The following HSP90AA1 variants were observed in gnomAD, a reference collection of about 807,000 sequenced individuals.
The protein encoded by HSP90AA1 is heat shock protein 90 alpha family class A member 1.
Under a neutral mutation model 73.3 loss-of-function variants are expected in HSP90AA1, and 18 were observed. The ratio of observed to expected loss-of-function variants is 0.25; its 90% confidence interval spans 0.17 to 0.36. The LOEUF (loss-of-function observed/expected upper bound fraction) is 0.36, where lower values mean the gene tolerates loss of function less well. HSP90AA1 is among the 10% of genes least tolerant of loss of function. The pLI, the probability that HSP90AA1 is intolerant of heterozygous loss-of-function variation, is 1.00. For synonymous variants in HSP90AA1, 477 were observed against 296.9 expected, an observed-to-expected ratio of 1.61 and a Z score of -6.24; for missense variants, 704 against 874.2, an observed-to-expected ratio of 0.81 and a Z score of 2.45.
intron 2 of HSP90AA1, among the ~76,000 whole-genome samples, chr14:102,100,835 C>T (rs2152619156): frequency 6.6e-6 from 1 of 152,332 alleles, no homozygotes; most frequent in East Asian, 1.9e-4. Flanking sequence ...GGAGAGACTA[C>T]TTGACTTCCA....
intron 1 of HSP90AA1, among the ~76,000 whole-genome samples, chr14:102,119,687 C>T (rs1566733715): frequency 6.6e-6 from 1 of 152,126 alleles, no homozygotes; most frequent in Non-Finnish European, 1.5e-5. Context: ...CAGGGTTTCA[C>T]CATGTTGGCC....
intron 1 of HSP90AA1, among the ~76,000 whole-genome samples, chr14:102,118,913 GGTGCAATCT>G (rs1157934147): frequency 3.4e-5 from 5 of 149,048 alleles, no homozygotes; most frequent in Non-Finnish European, 7.4e-5. Context: ...GGAGTGTAGT[GGTGCAATCT>G]CGGCTCACTG....
chr14:102,091,146 G>A (rs2049352845), upstream of HSP90AA1, among the ~76,000 whole-genome samples: 3 of 152,160 alleles, frequency 2.0e-5, no homozygotes, highest in South Asian at 6.2e-4. Context: ...CCAGGCAGCA[G>A]GCTAGCTACT....
Position 102,083,194 on chromosome 14 carries a change from T to C in HSP90AA1, c.1595A>G (p.Gln532Arg). The change falls in exon 9 of 11, where the codon CAG (glutamine) becomes CGG (arginine). Residue 532 changes from glutamine to arginine, a missense_variant. By Grantham distance (43) the Gln-to-Arg change is conservative (BLOSUM62 1). Coordinates refer to ENST00000216281, the MANE Select transcript of HSP90AA1 (RefSeq NM_005348.4). ...AGTCTTCCCCTCAAATTCCTTCAGCTGTTGGACACAGTACTCATCAATGGG... is the reference window on the plus strand; with the variant it reads ...AGTCTTCCCCTCAAATTCCTTCAGCCGTTGGACACAGTACTCATCAATGGG... ...IEPIDEYCVQ[Q>R]LKEFEGKTLV... The C allele has an allele frequency of 6.2e-7, 1 of 1,614,140 alleles. No individual in the cohort carries two copies. Among genetic ancestry groups the C allele is most frequent in the Non-Finnish European group, 8.5e-7 (1 of 1,179,980 alleles).
intron 2 of HSP90AA1, among the ~76,000 whole-genome samples, chr14:102,097,300 T>A (rs1283027711): frequency 2.7e-5 from 4 of 146,300 alleles, no homozygotes; most frequent in African/African-American, 9.9e-5. Context: ...CAATTTTTTT[T>A]AAAGAAGAAA....
chr14:102,095,528 G>C (rs1490934496), intron 2 of HSP90AA1, among the ~76,000 whole-genome samples: 2 of 152,206 alleles, frequency 1.3e-5, no homozygotes, highest in Non-Finnish European at 2.9e-5. Flanking sequence ...AGCTCCCTCA[G>C]GAACTTCTGT....
intron 1 of HSP90AA1, among the ~76,000 whole-genome samples, chr14:102,122,269 T>C (rs546694610): frequency 1.4e-5 from 2 of 144,806 alleles, no homozygotes; most frequent in Non-Finnish European, 3.0e-5. Context: ...AGGAAAAGGA[T>C]CTGTTTAAAG....
chr14:102,116,439 G>A (rs139281513), intron 1 of HSP90AA1, among the ~76,000 whole-genome samples: 1 of 152,228 alleles, frequency 6.6e-6, no homozygotes, highest in Non-Finnish European at 1.5e-5. Flanking sequence ...AGCCACAGCG[G>A]GGAGGTGCAA....
chr14:102,120,557 C>T (rs1349709957), intron 1 of HSP90AA1, among the ~76,000 whole-genome samples: 1 of 152,044 alleles, frequency 6.6e-6, no homozygotes, highest in Non-Finnish European at 1.5e-5. Context: ...AGAGAGGTTA[C>T]TCTCTAAAAA....
intron 2 of HSP90AA1, among the ~76,000 whole-genome samples, chr14:102,097,167 G>C (rs2049435760): frequency 6.6e-6 from 1 of 152,020 alleles, no homozygotes; most frequent in Non-Finnish European, 1.5e-5. Flanking sequence ...TGTATTTTTA[G>C]TAGAGACGGG....
At chr14:102,086,694 GC>G (rs2049247568) in intron 1 of HSP90AA1, among the ~76,000 whole-genome samples, 1 of 150,640 alleles carries the variant, frequency 6.6e-6, no homozygotes, top group Admixed American at 6.6e-5. Flanking sequence ...TGCGCCCCCA[GC>G]GGGGCCGGGC....
At chr14:102,098,849 GT>G (rs1394089846) in intron 2 of HSP90AA1, among the ~76,000 whole-genome samples, 2 of 152,166 alleles carry the variant, frequency 1.3e-5, no homozygotes, top group African/African-American at 4.8e-5. Context: ...TTTGTTGTCT[GT>G]AAAATGAGGA....
intron 1 of HSP90AA1, chr14:102,139,240 C>T (rs369594448): frequency 1.2e-5 from 20 of 1,613,970 alleles, no homozygotes; most frequent in Middle Eastern, 1.6e-4. Context: ...AATCTTGAGT[C>T]CCTTGGTACC....
intron 2 of HSP90AA1, among the ~76,000 whole-genome samples, chr14:102,100,705 G>A (rs1484058938): frequency 2.0e-5 from 3 of 152,156 alleles, no homozygotes; most frequent in Admixed American, 2.0e-4. Context: ...GATTACAGGC[G>A]TGAGCCACCA....
chr14:102,107,323 T>C (rs971101530), intron 1 of HSP90AA1, among the ~76,000 whole-genome samples: 7 of 151,844 alleles, frequency 4.6e-5, no homozygotes, highest in African/African-American at 1.7e-4. Context: ...AGCCCGTTTT[T>C]TTTGGTTTGT....
At position 102,081,472 on chromosome 14, in the gene HSP90AA1, C is replaced by T. The variant is rs1465826045; in HGVS notation, c.*240G>A. 32 of 576,360 alleles carry T rather than the reference C, an allele frequency of 5.6e-5. 2 individuals are homozygous for T. Among genetic ancestry groups the T allele is most frequent in the South Asian group, 4.1e-4 (20 of 49,008 alleles). 35.7% of individuals were successfully genotyped at this position (576,360 alleles called of 1,614,324 possible). The stretch of plus-strand genomic sequence containing the variant: ...CATGTTACATACGTCTTACAGTGCA[C>T]GTTACCCCAATCTGTGAAAATAAAC... On this transcript the variant is annotated 3_prime_UTR_variant, in exon 11 of 11. Transcript: ENST00000216281.
At chr14:102,086,524 A>C in intron 1 of HSP90AA1, 146 bp from the exon 2 acceptor site, 5 of 938,688 alleles carry the variant, frequency 5.3e-6, no homozygotes, top group Non-Finnish European at 8.6e-6. Context: ...CGGCTGACAA[A>C]GGATGACCTC....
rs535142442 is a variant in HSP90AA1, at chr14:102,099,689, C to T, written c.366+2186G>A. Among the ~76,000 whole-genome samples, 3 of 152,326 alleles carry T rather than the reference C, an allele frequency of 2.0e-5. No individual in the cohort carries two copies. The South Asian group carries it at 6.2e-4, about 32-fold the overall frequency. Reference sequence around the variant, plus strand: ...GTGTTTAGGGCTGGTGAAGAACACTCTGCTTTACGAAGGCCAGTGGCTGAT... The same window carrying T: ...GTGTTTAGGGCTGGTGAAGAACACTTTGCTTTACGAAGGCCAGTGGCTGAT... On this transcript the variant is annotated intron_variant, in intron 2 of 11. Coordinates refer to the HSP90AA1 transcript ENST00000334701.
At chr14:102,084,234 T>TA (rs1267850129) in intron 6 of HSP90AA1, 165 bp downstream of exon 6, 1 of 706,262 alleles carries the variant, frequency 1.4e-6, no homozygotes, top group African/African-American at 1.8e-5. Flanking sequence ...TTAGTAGAGA[T>TA]GGGGTTTCAC....
Sources: allele counts gnomAD v4.1 joint callset (sites outside exome capture counted in the v4.1 genomes callset), GRCh38; gene constraint gnomAD v4.1.1; transcripts MANE v1.5; gene names NCBI Gene and HGNC (gene_info 2026-07-23, HGNC 2026-07-21).